Variants in VSTM4 observed in about 807,000 individuals in gnomAD.
VSTM4 encodes the protein V-set and transmembrane domain-containing protein 4.
In VSTM4, 20 loss-of-function variants were observed where a neutral mutation model predicts 36.4. That is an observed-to-expected ratio of 0.55 (90% CI 0.39 to 0.80). The LOEUF (loss-of-function observed/expected upper bound fraction) is 0.80. VSTM4 is among the 30% of genes least tolerant of loss of function. The probability of loss-of-function intolerance (pLI) is 0.00; values close to 1 mark genes in which losing one functional copy is unlikely to be tolerated. For synonymous variants in VSTM4, 182 were observed against 173.9 expected (o/e 1.05, Z -0.37); for missense variants, 392 against 404.5 (o/e 0.97, Z 0.26).
chr10:49,025,696 C>T (rs1224875940), intron 7 of VSTM4, among the ~76,000 whole-genome samples: 1 of 152,240 alleles, frequency 6.6e-6, no homozygotes, highest in Non-Finnish European at 1.5e-5. Context: ...AGAAAAGCCA[C>T]CCAGGTGTGG....
intron 5 of VSTM4, among the ~76,000 whole-genome samples, chr10:49,055,485 A>G (rs1843764055): frequency 6.6e-6 from 1 of 152,210 alleles, no homozygotes; most frequent in Non-Finnish European, 1.5e-5. Context: ...CTCCACAACT[A>G]TGGTGGCAAT....
chr10:49,100,545 G>T (rs561682545), intron 2 of VSTM4, among the ~76,000 whole-genome samples: 2 of 151,678 alleles, frequency 1.3e-5, no homozygotes, highest in South Asian at 4.2e-4. Flanking sequence ...AAAAATGTTC[G>T]AGAGTCATGT....
At chr10:49,084,801 C>T (rs1463608224) in intron 3 of VSTM4, among the ~76,000 whole-genome samples, 1 of 152,202 alleles carries the variant, frequency 6.6e-6, no homozygotes, top group Non-Finnish European at 1.5e-5. Context: ...TAATCCTCAC[C>T]CACTTTATGA....
At chr10:49,038,713 A>G (rs1384371836) in intron 7 of VSTM4, among the ~76,000 whole-genome samples, 1 of 152,168 alleles carries the variant, frequency 6.6e-6, no homozygotes, top group Non-Finnish European at 1.5e-5. Flanking sequence ...TGCTTATGTC[A>G]TGGCGGATTT....
intron 2 of VSTM4, among the ~76,000 whole-genome samples, chr10:49,094,386 T>G (rs1292933737): frequency 6.6e-6 from 1 of 152,226 alleles, no homozygotes. Flanking sequence ...AGGTGATTCT[T>G]CTTAAACAGA....
chr10:49,051,520 C>T (rs1225562037), intron 5 of VSTM4, among the ~76,000 whole-genome samples: 2 of 151,984 alleles, frequency 1.3e-5, no homozygotes, highest in African/African-American at 2.4e-5. Flanking sequence ...CTCAGCCTCC[C>T]GAGTACCGGG....
intron 7 of VSTM4, among the ~76,000 whole-genome samples, chr10:49,040,403 C>A (rs1450086169): frequency 6.6e-6 from 1 of 152,082 alleles, no homozygotes. Flanking sequence ...CTGCCTCAGC[C>A]TCCTAAGTAG....
chr10:49,096,677 G>A (rs7912676), intron 2 of VSTM4, among the ~76,000 whole-genome samples: 27,499 of 136,142 alleles, frequency 0.2, 3,782 homozygotes, highest in African/African-American at 0.41. Context: ...GTTTTGAGAC[G>A]GAGTTTTGCT....
At position 49,104,273 on chromosome 10, in the gene VSTM4, T is replaced by C. The variant is rs532511157; in HGVS notation, c.457+3321A>G. 1.1e-4 allele frequency among the ~76,000 whole-genome samples: 16 copies of C among 152,200 alleles called. 1 individual carries two copies. In the South Asian group the frequency reaches 2.1e-3, roughly 20 times the overall value. On this transcript the variant is annotated intron_variant, in intron 2 of 7. Coordinates refer to ENST00000332853, the MANE Select transcript of VSTM4 (RefSeq NM_001031746.5). ...AAGATCACACCACTGCACTCCAGCC[T>C]GGGAGACAGAGCAAGGAGACTCTGT...
intron 7 of VSTM4, among the ~76,000 whole-genome samples, chr10:49,025,256 C>A (rs904565671): frequency 6.6e-6 from 1 of 152,022 alleles, no homozygotes; most frequent in African/African-American, 2.4e-5. Flanking sequence ...ATACATAAGT[C>A]AAGGTGAGGA....
intron 2 of VSTM4, among the ~76,000 whole-genome samples, chr10:49,100,180 A>G (rs1380920857): frequency 6.6e-6 from 1 of 152,232 alleles, no homozygotes; most frequent in Non-Finnish European, 1.5e-5. Flanking sequence ...GATAACTGAC[A>G]GTCTCTAAGG....
chr10:49,083,002 G>T (rs1034857616), intron 3 of VSTM4, among the ~76,000 whole-genome samples: 2 of 152,168 alleles, frequency 1.3e-5, no homozygotes, highest in African/African-American at 4.8e-5. Context: ...GGCACCTGTT[G>T]CCCAGCAACC....
intron 7 of VSTM4, among the ~76,000 whole-genome samples, chr10:49,043,574 G>A (rs1278017586): frequency 6.6e-6 from 1 of 152,106 alleles, no homozygotes; most frequent in Non-Finnish European, 1.5e-5. Flanking sequence ...TGCTCAAATG[G>A]AAAGGCAAGT....
rs146245918 is a variant in VSTM4 at position 49,107,676 on chromosome 10, G to A, written c.375C>T (p.Tyr125=). The A allele has an allele frequency of 4.2e-4, 680 of 1,614,236 alleles. 1 individual carries two copies. In the African/African-American group the frequency reaches 4.4e-3, roughly 10 times the overall value. ...LTLQPSDQGH[Y]VCRVQEISRH... is the part of the protein sequence containing the mutation. The stretch of plus-strand genomic sequence containing the variant: ...TGCTGATTTCCTGGACTCTGCAGAC[G>A]TAATGCCCTTGATCGGAGGGCTGCA... Residue 125 remains tyrosine, a synonymous_variant, in exon 2 of 8, where the codon TAC becomes TAT. Coordinates refer to ENST00000332853, the MANE Select transcript of VSTM4 (RefSeq NM_001031746.5).
chr10:49,092,260 G>C (rs758750460), intron 2 of VSTM4, among the ~76,000 whole-genome samples: 1 of 152,174 alleles, frequency 6.6e-6, no homozygotes, highest in South Asian at 2.1e-4. Context: ...TGCCTGAAGA[G>C]GGAGTTCACC....
rs1843937958 is a variant in VSTM4, at chr10:49,064,553, T to C, written c.668+150A>G. On this transcript the variant is annotated intron_variant, in intron 5 of 7. Coordinates refer to ENST00000332853, the MANE Select transcript of VSTM4 (RefSeq NM_001031746.5). The stretch of plus-strand genomic sequence containing the variant: ...ACTGTAGACCTTGGAAACATGCAAA[T>C]GCATGCAGGATACACATTTGCAGGC... The C allele has an allele frequency of 1.4e-5, 12 of 871,952 alleles. No individual in the cohort carries two copies. In the South Asian group the frequency reaches 1.9e-4, roughly 14 times the overall value. 54.0% of individuals were successfully genotyped at this position (871,952 alleles called of 1,614,324 possible).
At chr10:49,079,765 C>T (rs1405073017) in intron 3 of VSTM4, among the ~76,000 whole-genome samples, 2 of 151,932 alleles carry the variant, frequency 1.3e-5, no homozygotes, top group African/African-American at 4.8e-5. Context: ...TAGAGTTCTG[C>T]ACCGAGTTGT....
rs1844048141 is a variant in VSTM4 at position 49,070,124 on chromosome 10, G to GC, written c.635-5389dup. Among the ~76,000 whole-genome samples, 2 of 112,536 alleles carry GC rather than the reference G, an allele frequency of 1.8e-5. 1 individual carries two copies. The highest frequency in any genetic ancestry group is 3.5e-5 in the Non-Finnish European group (2 of 57,238). The allele number at this position is 112,536 out of a possible 152,430, so 73.8% of individuals were successfully genotyped here. A position where few individuals can be genotyped will look rare whatever the true frequency, so the allele number is the denominator to read the frequency against. ...AAAAATCAGCCGGGCGTAGTGGCGG[G>GC]CGCCTGTAGTCCCAGCTACTTGGGA... On this transcript the variant is annotated intron_variant, in intron 4 of 7. Coordinates refer to ENST00000332853, the MANE Select transcript of VSTM4 (RefSeq NM_001031746.5).
At chr10:49,112,678 T>G (rs4559606) in intron 1 of VSTM4, among the ~76,000 whole-genome samples, 74,523 of 152,080 alleles carry the variant, frequency 0.49, 19,651 homozygotes, top group African/African-American at 0.7. Context: ...TGGTTGGAAG[T>G]CCTCACACCC....
Sources: allele counts gnomAD v4.1 joint callset (sites outside exome capture counted in the v4.1 genomes callset), GRCh38; gene constraint gnomAD v4.1.1; transcripts MANE v1.5; gene names NCBI Gene and HGNC (gene_info 2026-07-23, HGNC 2026-07-21).